KLF8: variants seen among roughly 807,000 people sequenced by gnomAD.
The protein encoded by KLF8 is Krueppel-like factor 8.
Under a neutral mutation model 18.2 loss-of-function variants are expected in KLF8, and 10 were observed. The observed-to-expected ratio is 0.55, with a 90% confidence interval of 0.34 to 0.93. The LOEUF (loss-of-function observed/expected upper bound fraction) is 0.93. Ranked by LOEUF, KLF8 falls within the 40% of genes least tolerant of loss-of-function variation. The pLI, the probability that KLF8 is intolerant of heterozygous loss-of-function variation, is 0.02. For missense variants in KLF8, 264 were observed against 277.9 expected (o/e 0.95, Z 0.36); for synonymous variants, 109 against 97.3 (o/e 1.12, Z -0.71).
chrX:56,048,423 C>A, the KLF8 span, among the ~76,000 whole-genome samples: 1 of 111,667 alleles, frequency 9.0e-6, no homozygotes, highest in African/African-American at 3.3e-5. Context: ...AGTCTTTAAT[C>A]CATCTTGAAT....
At chrX:56,044,579 C>T in the KLF8 span, among the ~76,000 whole-genome samples, 55 of 112,922 alleles carry the variant, frequency 4.9e-4, 2 homozygotes, top group South Asian at 0.015. Context: ...GAAACAGTCT[C>T]GCCACAATCT....
chrX:56,032,068 G>A, the KLF8 span, among the ~76,000 whole-genome samples: 4 of 111,132 alleles, frequency 3.6e-5, no homozygotes, highest in Admixed American at 1.9e-4. Flanking sequence ...AGGTCACGAA[G>A]GCCCAGACCT....
chrX:56,160,824 G>C, the KLF8 span, among the ~76,000 whole-genome samples: 1 of 111,191 alleles, frequency 9.0e-6, no homozygotes, highest in Admixed American at 9.6e-5. Flanking sequence ...GCACACTGAT[G>C]GGTCTTGACT....
the KLF8 span, among the ~76,000 whole-genome samples, chrX:55,923,208 CA>C: frequency 9.4e-6 from 1 of 106,622 alleles, no homozygotes; most frequent in Non-Finnish European, 1.9e-5. Flanking sequence ...CCATTATCCT[CA>C]GCGAGTTAAC....
At chrX:55,951,478 CAAAA>C in the KLF8 span, among the ~76,000 whole-genome samples, 2 of 39,874 alleles carry the variant, frequency 5.0e-5, no homozygotes, top group South Asian at 1.3e-3. Flanking sequence ...AACTCCGTCT[CAAAA>C]AAAAAAAAAA....
At chrX:56,196,609 G>A in the KLF8 span, among the ~76,000 whole-genome samples, 1 of 111,147 alleles carries the variant, frequency 9.0e-6, no homozygotes, top group Non-Finnish European at 1.9e-5. Context: ...AGTCCTTAGA[G>A]ACCTACAAAG....
chrX:55,931,724 T>C, the KLF8 span, among the ~76,000 whole-genome samples: 489 of 112,324 alleles, frequency 4.4e-3, 5 homozygotes, highest in African/African-American at 0.015. Context: ...GATTGCACCG[T>C]GGTCTGAGAG....
At chrX:56,021,960 G>C in the KLF8 span, among the ~76,000 whole-genome samples, 1 of 93,184 alleles carries the variant, frequency 1.1e-5, no homozygotes, top group Non-Finnish European at 2.1e-5. Flanking sequence ...AGAGAATAGA[G>C]CAAAAAAAAA....
the KLF8 span, among the ~76,000 whole-genome samples, chrX:55,927,625 G>A: frequency 8.9e-5 from 10 of 112,081 alleles, no homozygotes; most frequent in Non-Finnish European, 1.1e-4. Flanking sequence ...TTATAAAATG[G>A]TAATGCATAG....
chrX:56,165,480 G>A, the KLF8 span, among the ~76,000 whole-genome samples: 12 of 112,385 alleles, frequency 1.1e-4, no homozygotes, highest in African/African-American at 3.9e-4. Context: ...TCCTATGCAT[G>A]ATTTCGTAAT....
chrX:55,936,412 G>A, the KLF8 span, among the ~76,000 whole-genome samples: 2 of 112,428 alleles, frequency 1.8e-5, no homozygotes, highest in African/African-American at 3.2e-5. Flanking sequence ...CAAGATGGCC[G>A]AATAGGAAAA....
the KLF8 span, among the ~76,000 whole-genome samples, chrX:56,136,448 C>T: frequency 1.9e-4 from 21 of 110,637 alleles, no homozygotes; most frequent in South Asian, 1.9e-3. Context: ...GAAATAACGC[C>T]GCATATCTAC....
chrX:56,161,935 C>T, the KLF8 span, among the ~76,000 whole-genome samples: 1 of 111,689 alleles, frequency 9.0e-6, no homozygotes, highest in Non-Finnish European at 1.9e-5. Context: ...TGGTGACATA[C>T]AGATGGGGTT....
At chrX:55,979,524 T>C in the KLF8 span, among the ~76,000 whole-genome samples, 1 of 112,110 alleles carries the variant, frequency 8.9e-6, no homozygotes, top group Admixed American at 9.5e-5. Flanking sequence ...GAAGACTTTG[T>C]ATGTTTTGAT....
At chrX:56,204,551 A>G in the KLF8 span, among the ~76,000 whole-genome samples, 1 of 111,251 alleles carries the variant, frequency 9.0e-6, no homozygotes, top group Non-Finnish European at 1.9e-5. Context: ...GGTACTAGCC[A>G]TGGGTCTGTC....
chrX:55,984,981 T>TC, the KLF8 span, among the ~76,000 whole-genome samples: 1 of 110,626 alleles, frequency 9.0e-6, no homozygotes, highest in African/African-American at 3.3e-5. Context: ...TTTGCTTTTT[T>TC]TTTTGAAAAT....
At chrX:55,951,712 C>T in the KLF8 span, among the ~76,000 whole-genome samples, 8 of 109,331 alleles carry the variant, frequency 7.3e-5, no homozygotes, top group African/African-American at 2.3e-4. Context: ...GGACTGCTTA[C>T]GGACCTTAAA....
the KLF8 span, among the ~76,000 whole-genome samples, chrX:55,944,413 C>T: frequency 5.5e-5 from 6 of 109,985 alleles, no homozygotes; most frequent in Admixed American, 9.7e-5. Flanking sequence ...ATGGTACCAG[C>T]TCCTCCTTGT....
the KLF8 span, among the ~76,000 whole-genome samples, chrX:56,123,100 G>T: frequency 9.0e-6 from 1 of 110,644 alleles, no homozygotes; most frequent in Non-Finnish European, 1.9e-5. Context: ...GACATCTCCA[G>T]TGTCTTGGAG....
Sources: gnomAD v4.1 joint callset for allele counts (sites outside exome capture counted in the v4.1 genomes callset) on GRCh38, gnomAD v4.1.1 for gene constraint, MANE v1.5 for transcripts, NCBI Gene and HGNC (gene_info 2026-07-23, HGNC 2026-07-21) for gene names.